The following OPCML variants were observed in gnomAD, a reference collection of about 807,000 sequenced individuals.
OPCML encodes the protein opioid-binding protein/cell adhesion molecule.
A neutral mutation model predicts 37.8 loss-of-function variants in OPCML; 13 were observed. The observed-to-expected ratio is 0.34, with a 90% CI of 0.22 to 0.55. OPCML has a LOEUF of 0.55. Among genes scored for constraint, OPCML ranks in the 20% least tolerant of loss-of-function variants. The pLI is 0.91. For missense variants in OPCML, 341 were observed against 435.6 expected (o/e 0.78, Z 1.93); for synonymous variants, 176 against 168.8 (o/e 1.04, Z -0.33).
chr11:133,355,456 G>A (rs1944262081), intron 1 of OPCML, among the ~76,000 whole-genome samples: 1 of 152,148 alleles, frequency 6.6e-6, no homozygotes, highest in African/African-American at 2.4e-5. Context: ...CTAAATCTGT[G>A]ACCACAAATG....
chr11:132,941,044 A>G (rs1365730415), intron 2 of OPCML, among the ~76,000 whole-genome samples: 5 of 152,186 alleles, frequency 3.3e-5, no homozygotes, highest in African/African-American at 1.2e-4. Context: ...CCATGCAATC[A>G]GATAACAGAT....
chr11:132,421,142 G>C (rs12417610), intron 7 of OPCML, among the ~76,000 whole-genome samples: 2 of 152,030 alleles, frequency 1.3e-5, no homozygotes, highest in African/African-American at 4.8e-5. Context: ...ATCCTAGCCT[G>C]CTTCAAGGGC....
At chr11:133,129,841 G>A (rs1403497170) in intron 1 of OPCML, among the ~76,000 whole-genome samples, 1 of 152,134 alleles carries the variant, frequency 6.6e-6, no homozygotes, top group East Asian at 1.9e-4. Context: ...ACAGGAGTTT[G>A]AGGCTGTTGT....
chr11:133,226,355 TA>T (rs1331214888), intron 1 of OPCML, among the ~76,000 whole-genome samples: 2 of 152,218 alleles, frequency 1.3e-5, no homozygotes, highest in African/African-American at 4.8e-5. Context: ...TTTGGGGGGT[TA>T]GGGGTGTTCC....
At chr11:132,937,595 G>GGGT in intron 2 of OPCML, among the ~76,000 whole-genome samples, 1 of 88,828 alleles carries the variant, frequency 1.1e-5, no homozygotes, top group African/African-American at 3.7e-5. Context: ...GCGTGTGTGG[G>GGGT]GTGTGTGTGT....
intron 1 of OPCML, among the ~76,000 whole-genome samples, chr11:132,944,009 G>T (rs1945678177): frequency 6.6e-6 from 1 of 151,812 alleles, no homozygotes; most frequent in African/African-American, 2.4e-5. Flanking sequence ...GGGCTGGCGG[G>T]CGGCGCGGAC....
At chr11:133,314,232 C>CAAA (rs59843718) in intron 1 of OPCML, among the ~76,000 whole-genome samples, 18 of 49,776 alleles carry the variant, frequency 3.6e-4, no homozygotes, top group African/African-American at 6.0e-4. Context: ...GACTCCGTCT[C>CAAA]AAAAAAAAAA....
chr11:132,600,429 G>T (rs1478391185), intron 3 of OPCML, among the ~76,000 whole-genome samples: 1 of 152,148 alleles, frequency 6.6e-6, no homozygotes, highest in Admixed American at 6.5e-5. Context: ...CTCTCCATGT[G>T]GAGTTTCCTT....
intron 1 of OPCML, among the ~76,000 whole-genome samples, chr11:133,159,183 C>T (rs1950108381): frequency 6.6e-6 from 1 of 152,202 alleles, no homozygotes; most frequent in African/African-American, 2.4e-5. Context: ...ACCTAGGCAT[C>T]TGAAAACATG....
intron 4 of OPCML, among the ~76,000 whole-genome samples, chr11:132,487,862 T>C (rs612441): frequency 0.47 from 71,212 of 152,184 alleles, 17,350 homozygotes; most frequent in Middle Eastern, 0.54. Context: ...CTTTCTAATA[T>C]GCATTTTAGT....
At chr11:132,505,760 G>A (rs2096255357) in intron 4 of OPCML, among the ~76,000 whole-genome samples, 1 of 151,804 alleles carries the variant, frequency 6.6e-6, no homozygotes, top group Non-Finnish European at 1.5e-5. Context: ...AGGAGATTAA[G>A]AAAGCAAGAG....
intron 1 of OPCML, among the ~76,000 whole-genome samples, chr11:132,995,847 G>C (rs1343446537): frequency 6.6e-6 from 1 of 152,198 alleles, no homozygotes; most frequent in Non-Finnish European, 1.5e-5. Context: ...GTATAGTCAA[G>C]ATTCCAAGGG....
chr11:132,918,675 A>G (rs1374255892), intron 2 of OPCML, among the ~76,000 whole-genome samples: 2 of 152,188 alleles, frequency 1.3e-5, no homozygotes, highest in Admixed American at 6.5e-5. Context: ...TGACATTCTA[A>G]GTTATGATTC....
intron 1 of OPCML, among the ~76,000 whole-genome samples, chr11:133,233,074 T>C (rs1940347824): frequency 6.6e-6 from 1 of 152,194 alleles, no homozygotes; most frequent in Admixed American, 6.5e-5. Context: ...TGGGCAATAC[T>C]TAACCTGCAA....
At chr11:132,670,183 GGA>G (rs1436561261) in intron 2 of OPCML, among the ~76,000 whole-genome samples, 2 of 152,238 alleles carry the variant, frequency 1.3e-5, no homozygotes, top group African/African-American at 4.8e-5. Flanking sequence ...TATCATCCAT[GGA>G]AAAGTATAAA....
chr11:132,432,599 T>A (rs1334061253), intron 7 of OPCML, among the ~76,000 whole-genome samples: 1 of 152,146 alleles, frequency 6.6e-6, no homozygotes, highest in African/African-American at 2.4e-5. Flanking sequence ...ACAGCTAAAT[T>A]GTGGCTGTGA....
chr11:133,251,612 A>G (rs990256488), intron 1 of OPCML, among the ~76,000 whole-genome samples: 18 of 152,028 alleles, frequency 1.2e-4, no homozygotes, highest in African/African-American at 3.9e-4. Flanking sequence ...CAGACCTGGA[A>G]AAGTTGTCTT....
intron 2 of OPCML, chr11:132,773,461 T>C (rs1309872502): frequency 6.6e-6 from 1 of 152,144 alleles, no homozygotes. Flanking sequence ...GTGAGCAACG[T>C]GGGCTGCAAA....
intron 1 of OPCML, among the ~76,000 whole-genome samples, chr11:133,286,362 C>T (rs537284515): frequency 1.6e-3 from 233 of 148,646 alleles, no homozygotes; most frequent in East Asian, 6.1e-4. Flanking sequence ...CCCAGCTACT[C>T]GGGAGGTTGA....
Sources: gnomAD v4.1 joint callset for allele counts (sites outside exome capture counted in the v4.1 genomes callset) on GRCh38, gnomAD v4.1.1 for gene constraint, MANE v1.5 for transcripts, NCBI Gene and HGNC (gene_info 2026-07-23, HGNC 2026-07-21) for gene names.